Variants in GPM6B observed in about 807,000 individuals in gnomAD.
GPM6B encodes the protein neuronal membrane glycoprotein M6-b.
GPM6B carries 4 observed loss-of-function variants against 27.2 expected under a neutral mutation model. The observed-to-expected ratio is 0.15, with a 90% confidence interval of 0.07 to 0.34. The LOEUF is 0.34. Among genes scored for constraint, GPM6B ranks in the 10% least tolerant of loss-of-function variants. The pLI, the probability that GPM6B is intolerant of heterozygous loss-of-function variation, is 1.00. For missense variants in GPM6B, 183 were observed against 261.9 expected, an observed-to-expected ratio of 0.70 and a Z score of 2.08; for synonymous variants, 124 against 103.1, an observed-to-expected ratio of 1.20 and a Z score of -1.23.
At chrX:13,793,476 AATTG>A (rs1423269269) in intron 2 of GPM6B, among the ~76,000 whole-genome samples, 5 of 111,483 alleles carry the variant, frequency 4.5e-5, no homozygotes, top group Non-Finnish European at 9.4e-5. Context: ...TAACTTTCTA[AATTG>A]ATTGAGACCT....
rs142557909 is a variant in GPM6B, at chrX:13,791,826, C to T, written c.182-6018G>A. ...GCTGCAGATTTAATGCTGGCTCAGA[C>T]GTAGGGCTGGCAGGAACAAGGGCTC... On this transcript the variant is annotated intron_variant, in intron 2 of 7. Coordinates refer to ENST00000316715, the MANE Select transcript of GPM6B (RefSeq NM_001001995.3). 1.9e-3 allele frequency among the ~76,000 whole-genome samples: 210 copies of T among 110,550 alleles called. 1 individual carries two copies. The highest frequency in any genetic ancestry group is 6.1e-3 in the African/African-American group (186 of 30,341).
chrX:13,934,248 GGC>G (rs1921720373), intron 1 of GPM6B, among the ~76,000 whole-genome samples: 1 of 111,068 alleles, frequency 9.0e-6, no homozygotes, highest in African/African-American at 3.3e-5. Context: ...TCCAAGGGTG[GGC>G]TCCTTACTAG....
intron 1 of GPM6B, among the ~76,000 whole-genome samples, chrX:13,924,572 G>A: frequency 1.8e-5 from 2 of 111,946 alleles, no homozygotes; most frequent in South Asian, 7.6e-4. Context: ...CGAAGTGCTG[G>A]GATCAGGAAT....
chrX:13,921,572 ACCC>A (rs1555932310), intron 1 of GPM6B, among the ~76,000 whole-genome samples: 1 of 69,331 alleles, frequency 1.4e-5, no homozygotes, highest in Non-Finnish European at 2.7e-5. Context: ...CACATTTATA[ACCC>A]CCCCCCTTTT....
intron 1 of GPM6B, among the ~76,000 whole-genome samples, chrX:13,860,439 T>G (rs1401073825): frequency 1.3e-3 from 61 of 45,542 alleles, no homozygotes; most frequent in Admixed American, 0.012. Context: ...AAACGTGGGG[T>G]TTTTTTTTTT....
chrX:13,818,943 G>C (rs2049278034), upstream of GPM6B, among the ~76,000 whole-genome samples: 1 of 112,490 alleles, frequency 8.9e-6, no homozygotes, highest in Admixed American at 9.4e-5. Flanking sequence ...GGTTTTTAAA[G>C]TGTCCAGCAA....
chrX:13,886,787 C>A lies in GPM6B; in HGVS notation c.-198+51540G>T, dbSNP rs144774722. On this transcript the variant is annotated intron_variant, in intron 1 of 6. Coordinates refer to the GPM6B transcript ENST00000398361. The stretch of plus-strand genomic sequence containing the variant: ...AGTGTTTGATGTATGATGTTGGGTA[C>A]CAGTCTACAAATGCCCCCTCTAACA... 4.4e-3 allele frequency among the ~76,000 whole-genome samples: 432 copies of A among 98,771 alleles called. 1 individual carries two copies. In the South Asian group the frequency reaches 0.053, roughly 12 times the overall value. The allele number at this position is 98,771 out of a possible 115,157, so 85.8% of individuals were successfully genotyped here.
intron 1 of GPM6B, among the ~76,000 whole-genome samples, chrX:13,926,856 A>C (rs949584391): frequency 2.7e-5 from 3 of 112,127 alleles, no homozygotes; most frequent in African/African-American, 9.7e-5. Flanking sequence ...TGGGGATAGA[A>C]ACAATTTTAA....
intron 1 of GPM6B, among the ~76,000 whole-genome samples, chrX:13,857,947 C>T (rs1250690470): frequency 3.6e-5 from 4 of 112,405 alleles, no homozygotes; most frequent in African/African-American, 1.3e-4. Flanking sequence ...TCAGCCACTA[C>T]GACTGCCTTC....
At chrX:13,825,394 G>A (rs951561831) in intron 1 of GPM6B, among the ~76,000 whole-genome samples, 4 of 112,180 alleles carry the variant, frequency 3.6e-5, no homozygotes, top group Non-Finnish European at 7.5e-5. Context: ...CAAGGCAGAA[G>A]GTACAGAGGA....
intron 1 of GPM6B, among the ~76,000 whole-genome samples, chrX:13,836,013 A>T (rs1279352601): frequency 8.9e-6 from 1 of 112,267 alleles, no homozygotes; most frequent in Non-Finnish European, 1.9e-5. Flanking sequence ...ACTCAAACAA[A>T]TGCAGGATGG....
At chrX:13,834,048 A>C (rs1010839531) in intron 1 of GPM6B, among the ~76,000 whole-genome samples, 4 of 112,667 alleles carry the variant, frequency 3.6e-5, no homozygotes, top group African/African-American at 1.3e-4. Flanking sequence ...AACGAGAAGA[A>C]TTTTGTTCAA....
At chrX:13,857,362 T>G (rs1323969100) in intron 1 of GPM6B, among the ~76,000 whole-genome samples, 1 of 112,226 alleles carries the variant, frequency 8.9e-6, no homozygotes. Flanking sequence ...CACTTATCAC[T>G]TATATAGATA....
intron 1 of GPM6B, among the ~76,000 whole-genome samples, chrX:13,825,515 G>A (rs2049362285): frequency 8.9e-6 from 1 of 112,392 alleles, no homozygotes; most frequent in South Asian, 3.7e-4. Context: ...TCACAGAGGA[G>A]GAGGGAATTT....
intron 1 of GPM6B, among the ~76,000 whole-genome samples, chrX:13,811,225 G>A (rs1194035230): frequency 8.9e-6 from 1 of 112,504 alleles, no homozygotes; most frequent in African/African-American, 3.2e-5. Context: ...ATTGCCAAAG[G>A]TGGGCATGAA....
At chrX:13,903,624 C>A (rs370915239) in intron 1 of GPM6B, among the ~76,000 whole-genome samples, 1 of 112,293 alleles carries the variant, frequency 8.9e-6, no homozygotes, top group Non-Finnish European at 1.9e-5. Context: ...AGTTCGTCAT[C>A]ATGAACACCG....
chrX:13,862,780 G>T (rs2049867606), intron 1 of GPM6B, among the ~76,000 whole-genome samples: 1 of 111,019 alleles, frequency 9.0e-6, no homozygotes, highest in African/African-American at 3.3e-5. Flanking sequence ...TTGACTTCCT[G>T]GGCTCAAGTG....
chrX:13,862,272 T>C (rs750291308), intron 1 of GPM6B, among the ~76,000 whole-genome samples: 5 of 111,644 alleles, frequency 4.5e-5, no homozygotes, highest in Non-Finnish European at 9.4e-5. Context: ...GGAAGCAAGG[T>C]AGTCAAGACC....
At chrX:13,902,472 G>A (rs1356836004) in intron 1 of GPM6B, among the ~76,000 whole-genome samples, 1 of 110,959 alleles carries the variant, frequency 9.0e-6, no homozygotes, top group East Asian at 2.8e-4. Context: ...TTATTCTTCA[G>A]GGAGGGTATT....
Sources: allele counts gnomAD v4.1 joint callset (sites outside exome capture counted in the v4.1 genomes callset), GRCh38; gene constraint gnomAD v4.1.1; transcripts MANE v1.5; gene names NCBI Gene and HGNC (gene_info 2026-07-23, HGNC 2026-07-21).